TEKT4: variants seen among roughly 807,000 people sequenced by gnomAD.
TEKT4 encodes the protein tektin-4.
Under a neutral mutation model 46.0 loss-of-function variants are expected in TEKT4, and 46 were observed. The ratio of observed to expected loss-of-function variants is 1.00; its 90% confidence interval spans 0.79 to 1.28. TEKT4 has a LOEUF of 1.28. Ranked by LOEUF, TEKT4 falls within the 50% of genes most tolerant of loss-of-function variation. The probability of loss-of-function intolerance (pLI) is 0.00; values close to 1 mark genes in which losing one functional copy is unlikely to be tolerated. For missense variants in TEKT4, 790 were observed against 622.9 expected, an observed-to-expected ratio of 1.27 and a Z score of -2.85; for synonymous variants, 325 against 265.8, an observed-to-expected ratio of 1.22 and a Z score of -2.17.
chr2:94,875,597 G>A lies in TEKT4; in HGVS notation c.946G>A (p.Glu316Lys). 6.2e-7 allele frequency: 1 copy of A among 1,614,160 alleles called. No individual in the cohort carries two copies. The highest frequency in any genetic ancestry group is 1.1e-5 in the South Asian group (1 of 91,088). The change falls in exon 5 of 6, where the codon GAA becomes AAA. Residue 316 changes from glutamate (E) to lysine (K), a missense_variant. Glu to Lys is a moderately conservative substitution (Grantham distance 56). Coordinates refer to ENST00000295201, the MANE Select transcript of TEKT4 (RefSeq NM_144705.4). ...LHHHLHKTLREITDQEHNVAA... is the reference protein window; with the variant it reads ...LHHHLHKTLRKITDQEHNVAA... ...ACTGTCCTGTCTGCAGACACTGCGGGAAATCACAGATCAGGAACACAACGT... is the reference window on the plus strand; with the variant it reads ...ACTGTCCTGTCTGCAGACACTGCGGAAAATCACAGATCAGGAACACAACGT...
chr2:94,872,166 G>A (rs1183029691), intron 1 of TEKT4, 89 bp downstream of exon 1: 3 of 1,442,164 alleles, frequency 2.1e-6, no homozygotes, highest in Non-Finnish European at 2.7e-6. Flanking sequence ...CCACGTGGCT[G>A]CTGCAAGCAC....
intron 3 of TEKT4, 139 bp downstream of exon 3, chr2:94,874,247 T>G: frequency 1.1e-6 from 1 of 912,026 alleles, no homozygotes; most frequent in Non-Finnish European, 1.6e-6. Flanking sequence ...TGTCTGCCCC[T>G]GGCATGAGCA....
At chr2:94,875,496 G>T in intron 4 of TEKT4, 92 bp from the exon 5 acceptor site, 1 of 1,572,352 alleles carries the variant, frequency 6.4e-7, no homozygotes, top group Non-Finnish European at 8.6e-7. Flanking sequence ...TCTGGACACA[G>T]CCCCAAGACC....
rs138689260 is a variant in TEKT4 at position 94,873,290 on chromosome 2, C to A, written c.499-230C>A. On this transcript the variant is annotated intron_variant, in intron 1 of 5. Transcript: ENST00000295201. Reference sequence around the variant, plus strand: ...AACTGCCGCTGAGGGACCTTCCCAGCAGCCCACAGAAGGCCCTGGAGGAAA... The same window carrying A: ...AACTGCCGCTGAGGGACCTTCCCAGAAGCCCACAGAAGGCCCTGGAGGAAA... 6.2e-5 allele frequency: 86 copies of A among 1,392,184 alleles called. 1 individual carries two copies. In the African/African-American group the frequency reaches 1.1e-3, roughly 18 times the overall value. 86.2% of individuals were successfully genotyped at this position (1,392,184 alleles called of 1,614,324 possible). A position where few individuals can be genotyped will look rare whatever the true frequency, so the allele number is the denominator to read the frequency against.
rs1680592111 is a variant in TEKT4, at chr2:94,872,006, A to C, written c.427A>C (p.Asn143His). 6.3e-7 allele frequency: 1 copy of C among 1,594,988 alleles called. No homozygotes were observed. Among genetic ancestry groups the C allele is most frequent in the Non-Finnish European group, 8.5e-7 (1 of 1,172,164 alleles). ...GGTGCCCTTCTCCATCACCACTGAC[A>C]ACCTGCAGTGCCGTGAGCGCCGCGA... Reference protein sequence around the residue: ...TEVPFSITTDNLQCRERREHP... With the variant: ...TEVPFSITTDHLQCRERREHP... Residue 143 changes from asparagine to histidine, a missense_variant, in exon 1 of 6, where the codon AAC becomes CAC. Physicochemically the swap from Asn to His is moderately conservative, Grantham distance 68. Coordinates refer to ENST00000295201, the MANE Select transcript of TEKT4 (RefSeq NM_144705.4).
Position 94,876,557 on chromosome 2 carries a change from TTGAG to T in TEKT4, c.1101_1104del (p.Ser367ArgfsTer5), listed in dbSNP as rs1375208959. 20 of 1,605,688 alleles carry T rather than the reference TTGAG, an allele frequency of 1.2e-5. No individual in the cohort carries two copies. Among genetic ancestry groups the T allele is most frequent in the East Asian group, 2.2e-5 (1 of 44,648 alleles). ...ACACCCCCCCAACACCCCCAGGCTG[TTGAG>T]TGAGGTGGAGGAGCTGAACATGTCC... On this transcript the variant is annotated frameshift_variant, in exon 6 of 6. Coordinates refer to ENST00000295201, the MANE Select transcript of TEKT4 (RefSeq NM_144705.4). LOFTEE classifies it high-confidence loss of function.
rs550769203 is a variant in TEKT4 at position 94,871,607 on chromosome 2, C to T, written c.28C>T (p.Leu10=). Residue 10 remains leucine (L), a synonymous_variant, in exon 1 of 6, where the codon CTG becomes TTG. Coordinates refer to ENST00000295201, the MANE Select transcript of TEKT4 (RefSeq NM_144705.4). ...GGCGCAGACAGTGCCGCCCTGCGAG[C>T]TGCCCTGCAAAGAGTACGACGTGGC... is the stretch of plus-strand genomic sequence containing the variant. MAQTVPPCE[L]PCKEYDVARN... is the part of the protein sequence containing the mutation. 7 of 1,610,510 alleles carry T rather than the reference C, an allele frequency of 4.3e-6. No individual in the cohort carries two copies. The Admixed American group carries it at 6.7e-5, about 15-fold the overall frequency.
rs782048497 is a variant in TEKT4 at position 94,871,717 on chromosome 2, G to A, written c.138G>A (p.Gln46=). ...TSKYLLEEWF[Q]NCYARYHQAF... ...AGTACCTGCTGGAGGAGTGGTTCCA[G>A]AACTGCTATGCTCGCTACCACCAGG... Residue 46 remains glutamine, a synonymous_variant, in exon 1 of 6, where the codon CAG becomes CAA. Transcript: ENST00000295201. 3.7e-6 allele frequency: 6 copies of A among 1,612,496 alleles called. No homozygotes were observed. The highest frequency in any genetic ancestry group is 5.1e-6 in the Non-Finnish European group (6 of 1,179,928).
intron 1 of TEKT4, chr2:94,873,318 A>T (rs1680662098): frequency 1.4e-6 from 2 of 1,428,020 alleles, no homozygotes; most frequent in African/African-American, 2.9e-5. Context: ...GGAGGAAAAC[A>T]CCCCACTTAC....
At position 94,871,606 on chromosome 2, in the gene TEKT4, G is replaced by A; in HGVS notation, c.27G>A (p.Glu9=). Reference sequence around the variant, plus strand: ...TGGCGCAGACAGTGCCGCCCTGCGAGCTGCCCTGCAAAGAGTACGACGTGG... The same window carrying A: ...TGGCGCAGACAGTGCCGCCCTGCGAACTGCCCTGCAAAGAGTACGACGTGG... MAQTVPPC[E]LPCKEYDVAR... The change falls in exon 1 of 6, where the codon GAG becomes GAA. Residue 9 remains glutamate, a synonymous_variant. Transcript: ENST00000295201. 6.2e-7 allele frequency: 1 copy of A among 1,610,582 alleles called. No individual in the cohort carries two copies. Among genetic ancestry groups the A allele is most frequent in the Non-Finnish European group, 8.5e-7 (1 of 1,178,912 alleles).
At position 94,876,804 on chromosome 2, in the gene TEKT4, TAA is replaced by T; in HGVS notation, c.*37_*38del. The T allele has an allele frequency of 6.3e-7, 1 of 1,579,388 alleles. No homozygotes were observed. The highest frequency in any genetic ancestry group is 1.7e-4 in the Middle Eastern group (1 of 6,002). The stretch of plus-strand genomic sequence containing the variant: ...CGGTGCTTCCCCCCAGTCCCCCAAA[TAA>T]ACAGCGCGTTAGCTTTCTGCACAGT... On this transcript the variant is annotated 3_prime_UTR_variant, in exon 6 of 6. Transcript: ENST00000295201.
intron 2 of TEKT4, 105 bp from the exon 3 acceptor site, chr2:94,873,860 G>C: frequency 6.7e-7 from 1 of 1,500,330 alleles, no homozygotes. Flanking sequence ...GGCCCACCCA[G>C]AACTCCCTCC....
rs1438326181 is a variant in TEKT4 at position 94,874,120 on chromosome 2, C to T, written c.713+12C>T. ...ACCTTCCAAGAGAGGTGGGCCCCAGCTCTGCCCCTGCACTTGCCCTGGCTG... is the reference window on the plus strand; with the variant it reads ...ACCTTCCAAGAGAGGTGGGCCCCAGTTCTGCCCCTGCACTTGCCCTGGCTG... On this transcript the variant is annotated intron_variant, in intron 3 of 5. Coordinates refer to ENST00000295201, the MANE Select transcript of TEKT4 (RefSeq NM_144705.4). 6.2e-7 allele frequency: 1 copy of T among 1,612,642 alleles called. No individual in the cohort carries two copies. The highest frequency in any genetic ancestry group is 1.3e-5 in the African/African-American group (1 of 75,064).
rs1459356921 is a variant in TEKT4 at position 94,875,839 on chromosome 2, C to G, written c.1091+97C>G. ...CACTCCAACACCCCGCACACACATCCCCCGCAGGTGCTGAGAGGGGAGGGA... is the reference window on the plus strand; with the variant it reads ...CACTCCAACACCCCGCACACACATCGCCCGCAGGTGCTGAGAGGGGAGGGA... On this transcript the variant is annotated intron_variant, in intron 5 of 5. Transcript: ENST00000295201. The G allele has an allele frequency of 3.1e-6, 4 of 1,292,948 alleles. No individual in the cohort carries two copies. In the African/African-American group the frequency reaches 4.4e-5, roughly 14 times the overall value. 80.1% of individuals were successfully genotyped at this position (1,292,948 alleles called of 1,614,324 possible). A position where few individuals can be genotyped will look rare whatever the true frequency, so the allele number is the denominator to read the frequency against.
At chr2:94,875,975 C>T (rs1234176603) in intron 5 of TEKT4, among the ~76,000 whole-genome samples, 2 of 152,188 alleles carry the variant, frequency 1.3e-5, no homozygotes, top group South Asian at 2.1e-4. Context: ...CCTGTGCCCA[C>T]GTGGTCTCAC....
chr2:94,876,170 T>C (rs1553396472), intron 5 of TEKT4, among the ~76,000 whole-genome samples: 1 of 152,158 alleles, frequency 6.6e-6, no homozygotes, highest in Non-Finnish European at 1.5e-5. Context: ...GTCCTTTTGT[T>C]TCCCTTGATA....
intron 2 of TEKT4, 46 bp from the exon 3 acceptor site, chr2:94,873,919 G>A: frequency 1.2e-6 from 2 of 1,609,606 alleles, no homozygotes; most frequent in Non-Finnish European, 1.7e-6. Context: ...TCCCCAGCAG[G>A]GCCCTCCCTG....
intron 3 of TEKT4, among the ~76,000 whole-genome samples, chr2:94,874,466 C>A (rs1680733948): frequency 6.9e-6 from 1 of 144,212 alleles, no homozygotes; most frequent in Non-Finnish European, 1.5e-5. Context: ...GGAAGGGGGG[C>A]TGCGGGGGCC....
At position 94,871,841 on chromosome 2, in the gene TEKT4, A is replaced by G; in HGVS notation, c.262A>G (p.Thr88Ala). The change falls in exon 1 of 6, where the codon ACG becomes GCG. Residue 88 changes from threonine to alanine, a missense_variant. By Grantham distance (58) the Thr-to-Ala change is moderately conservative. Transcript: ENST00000295201. ...GGCGCAGCGCACGCAGCAAGACTCC[A>G]CGCGCACAGTGGGCGAGCGACTGCA... ...ALAQRTQQDS[T>A]RTVGERLQDT... 1 of 1,607,274 alleles carries G rather than the reference A, an allele frequency of 6.2e-7. No homozygotes were observed. The highest frequency in any genetic ancestry group is 8.5e-7 in the Non-Finnish European group (1 of 1,177,960).
Sources: allele counts gnomAD v4.1 joint callset (sites outside exome capture counted in the v4.1 genomes callset), GRCh38; gene constraint gnomAD v4.1.1; transcripts MANE v1.5; gene names NCBI Gene and HGNC (gene_info 2026-07-23, HGNC 2026-07-21).